The following TIA1 variants were observed in gnomAD, a reference collection of about 807,000 sequenced individuals.
TIA1 encodes cytotoxic granule associated RNA binding protein TIA1.
TIA1 carries 23 observed loss-of-function variants against 65.9 expected under a neutral mutation model. That is an observed-to-expected ratio of 0.35 (90% CI 0.25 to 0.49). The LOEUF (loss-of-function observed/expected upper bound fraction) is 0.49. TIA1 is among the 20% of genes least tolerant of loss of function. The probability of loss-of-function intolerance (pLI) is 0.98; values close to 1 mark genes in which losing one functional copy is unlikely to be tolerated. For missense variants in TIA1, 371 were observed against 477.9 expected, an observed-to-expected ratio of 0.78 and a Z score of 2.09; for synonymous variants, 147 against 149.4, an observed-to-expected ratio of 0.98 and a Z score of 0.12.
intron 3 of TIA1, among the ~76,000 whole-genome samples, chr2:70,229,995 T>C (rs1465712043): frequency 2.0e-5 from 3 of 149,844 alleles, no homozygotes; most frequent in East Asian, 3.9e-4. Context: ...TCGCAGCACT[T>C]TGGGAGGCCG....
At chr2:70,244,968 G>A (rs1300549797) in intron 1 of TIA1, among the ~76,000 whole-genome samples, 2 of 151,720 alleles carry the variant, frequency 1.3e-5, no homozygotes, top group Non-Finnish European at 1.5e-5. Flanking sequence ...TGGAGCAGAA[G>A]AAAGGCAAGG....
rs767829686 is a variant in TIA1 at position 70,210,404 on chromosome 2, C to T, written c.*2315G>A. 6.6e-6 allele frequency: 1 copy of T among 152,086 alleles called. No homozygotes were observed. Among genetic ancestry groups the T allele is most frequent in the South Asian group, 2.1e-4 (1 of 4,826 alleles). 9.4% of individuals were successfully genotyped at this position (152,086 alleles called of 1,614,324 possible). ...TACTAATACCAGTATGATTTTTAGA[C>T]GGAAAAACTAAGAGTAAGATTTAAA... On this transcript the variant is annotated 3_prime_UTR_variant, in exon 13 of 13. Transcript: ENST00000433529.
At chr2:70,222,194 G>A (rs1026186849) in intron 7 of TIA1, among the ~76,000 whole-genome samples, 1 of 151,972 alleles carries the variant, frequency 6.6e-6, no homozygotes, top group Admixed American at 6.6e-5. Context: ...CAAAGTCCTT[G>A]AAAAGGCAAG....
At chr2:70,240,105 T>C (rs1162873631) in intron 1 of TIA1, among the ~76,000 whole-genome samples, 3 of 152,194 alleles carry the variant, frequency 2.0e-5, no homozygotes, top group South Asian at 4.1e-4. Flanking sequence ...CATAGATTAC[T>C]TAATAAATTG....
chr2:70,235,412 T>A (rs780488158), intron 2 of TIA1, among the ~76,000 whole-genome samples: 1 of 151,972 alleles, frequency 6.6e-6, no homozygotes, highest in Non-Finnish European at 1.5e-5. Flanking sequence ...CAAAACTCCG[T>A]CTCAAAAAAA....
At chr2:70,237,864 T>C (rs910637025) in intron 1 of TIA1, among the ~76,000 whole-genome samples, 1 of 150,126 alleles carries the variant, frequency 6.7e-6, no homozygotes, top group Non-Finnish European at 1.5e-5. Context: ...AGACTGTCTT[T>C]AAAAAGAAAA....
intron 7 of TIA1, among the ~76,000 whole-genome samples, chr2:70,222,634 TGCCGG>T (rs967669405): frequency 1.3e-5 from 2 of 152,118 alleles, no homozygotes; most frequent in Non-Finnish European, 2.9e-5. Flanking sequence ...TATTATTTAC[TGCCGG>T]GCGCAGTGGC....
intron 2 of TIA1, 62 bp from the exon 3 acceptor site, chr2:70,230,916 T>A: frequency 7.3e-7 from 1 of 1,361,392 alleles, no homozygotes; most frequent in African/African-American, 1.5e-5. Flanking sequence ...CTTAAAATTA[T>A]GTAAAAAAAA....
At position 70,230,798 on chromosome 2, in the gene TIA1, A is replaced by T. The variant is rs1257962865; in HGVS notation, c.180T>A (p.Ala60=). Residue 60 remains alanine, a synonymous_variant, in exon 3 of 13, where the codon GCT becomes GCA. Transcript: ENST00000433529. Reference sequence around the variant, plus strand: ...GTCCATTCATAGCAGCTAATGCTGCAGCTGCATGACGATGCTCATGAAACT... The same window carrying T: ...GTCCATTCATAGCAGCTAATGCTGCTGCTGCATGACGATGCTCATGAAACT... ...FVEFHEHRHA[A]AALAAMNGRK... is the part of the protein sequence containing the mutation. 6.2e-7 allele frequency: 1 copy of T among 1,612,944 alleles called. No individual in the cohort carries two copies. Among genetic ancestry groups the T allele is most frequent in the South Asian group, 1.1e-5 (1 of 90,714 alleles).
rs774844467 is a variant in TIA1 at position 70,236,175 on chromosome 2, T to C, written c.27A>G (p.Leu9=). Residue 9 remains leucine (L), a splice_region_variant and synonymous_variant, in exon 2 of 13, where the codon CTA becomes CTG. Coordinates refer to ENST00000433529, the MANE Select transcript of TIA1 (RefSeq NM_022173.4). The part of the protein sequence containing the change: MEDEMPKT[L]YVGNLSRDVT... ...CATCTCTGGAAAGGTTACCGACGTA[T>C]CTGAAACACAAAGAGAAACAATTTA... 3 of 1,581,134 alleles carry C rather than the reference T, an allele frequency of 1.9e-6. No homozygotes were observed. Among genetic ancestry groups the C allele is most frequent in the Non-Finnish European group, 2.6e-6 (3 of 1,158,916 alleles).
chr2:70,217,009 A>G lies in TIA1; in HGVS notation c.475-15T>C. ...TTTTCAGCATCCTGTTCCGTACAAC[A>G]TTAGAAACAATAAAGAAGTCACTAT... is the stretch of plus-strand genomic sequence containing the variant. On this transcript the variant is annotated splice_polypyrimidine_tract_variant and intron_variant, in intron 7 of 12. Transcript: ENST00000433529. 2.5e-6 allele frequency: 4 copies of G among 1,597,008 alleles called. No individual in the cohort carries two copies. Among genetic ancestry groups the G allele is most frequent in the Non-Finnish European group, 3.4e-6 (4 of 1,173,430 alleles).
At position 70,212,744 on chromosome 2, in the gene TIA1, C is replaced by T. The variant is rs774014016; in HGVS notation, c.1136G>A (p.Arg379Gln). Residue 379 changes from arginine to glutamine, a missense_variant, in exon 13 of 13, where the codon CGA becomes CAA. By Grantham distance (43) the Arg-to-Gln change is conservative. Coordinates refer to ENST00000433529, the MANE Select transcript of TIA1 (RefSeq NM_022173.4). ...TCACTGGGTTTCATACCCTGCCACTCGATACCCAGAAGGCTGATTGGGCAA... is the reference window on the plus strand; with the variant it reads ...TCACTGGGTTTCATACCCTGCCACTTGATACCCAGAAGGCTGATTGGGCAA... Reference protein sequence around the residue: ...SMLPNQPSGYRVAGYETQ With the variant: ...SMLPNQPSGYQVAGYETQ 9.9e-6 allele frequency: 16 copies of T among 1,613,692 alleles called. No homozygotes were observed. The highest frequency in any genetic ancestry group is 2.2e-5 in the East Asian group (1 of 44,892).
chr2:70,248,586 C>A lies in TIA1; in HGVS notation c.-156G>T, dbSNP rs560838736. 35 of 1,067,996 alleles carry A rather than the reference C, an allele frequency of 3.3e-5. No individual in the cohort carries two copies. In the Admixed American group the frequency reaches 4.3e-4, roughly 13 times the overall value. The allele number at this position is 1,067,996 out of a possible 1,614,324, so 66.2% of individuals were successfully genotyped here. On this transcript the variant is annotated 5_prime_UTR_variant, in exon 1 of 13. Transcript: ENST00000433529. ...TCCGGCGGCAATTACACTAAACCGC[C>A]CGGCCCAGCGGGAACAATGAAACCC...
chr2:70,234,236 A>G (rs566156513), intron 2 of TIA1, among the ~76,000 whole-genome samples: 1 of 152,304 alleles, frequency 6.6e-6, no homozygotes, highest in East Asian at 1.9e-4. Context: ...TTATGTTTCT[A>G]TTGAGCATTT....
rs1437437696 is a variant in TIA1, at chr2:70,236,134, A to G, written c.68T>C (p.Ile23Thr). 3 of 1,613,110 alleles carry G rather than the reference A, an allele frequency of 1.9e-6. No individual in the cohort carries two copies. The highest frequency in any genetic ancestry group is 2.5e-6 in the Non-Finnish European group (3 of 1,179,418). The change falls in exon 2 of 13, where the codon ATT becomes ACT. Residue 23 changes from isoleucine to threonine, a missense_variant. Coordinates refer to ENST00000433529, the MANE Select transcript of TIA1 (RefSeq NM_022173.4). ...TCCAATCTGGCTAAAGAGTTGCAGA[A>G]TTAGAGCTTCTGTCACATCTCTGGA... ...NLSRDVTEALILQLFSQIGPC... is the reference protein window; with the variant it reads ...NLSRDVTEALTLQLFSQIGPC...
chr2:70,217,040 G>A, intron 7 of TIA1, 46 bp from the exon 8 acceptor site: 1 of 1,550,598 alleles, frequency 6.4e-7, no homozygotes, highest in African/African-American at 1.4e-5. Context: ...ACTATTAGTT[G>A]ATGTTAAACA....
intron 7 of TIA1, among the ~76,000 whole-genome samples, chr2:70,222,400 G>A (rs1187074726): frequency 6.6e-6 from 1 of 152,132 alleles, no homozygotes; most frequent in East Asian, 1.9e-4. Context: ...AAAACCACCT[G>A]AACTCAGTTT....
chr2:70,237,943 C>T (rs1202148349), intron 1 of TIA1, among the ~76,000 whole-genome samples: 3 of 151,878 alleles, frequency 2.0e-5, no homozygotes, highest in African/African-American at 4.8e-5. Flanking sequence ...GGGCGGATCA[C>T]GAGGTCAGGA....
chr2:70,226,804 G>C (rs542828948), intron 6 of TIA1, among the ~76,000 whole-genome samples: 13 of 152,104 alleles, frequency 8.5e-5, no homozygotes, highest in Admixed American at 5.9e-4. Flanking sequence ...TCTGAAAGAA[G>C]TCCATTTATA....
Sources: allele counts gnomAD v4.1 joint callset (sites outside exome capture counted in the v4.1 genomes callset), GRCh38; gene constraint gnomAD v4.1.1; transcripts MANE v1.5; gene names NCBI Gene and HGNC (gene_info 2026-07-23, HGNC 2026-07-21).